ZNF14: variants seen among roughly 807,000 people sequenced by gnomAD.
ZNF14 encodes gonadotropin inducible transcription repressor-4.
A neutral mutation model predicts 11.3 loss-of-function variants in ZNF14; 9 were observed. That is an observed-to-expected ratio of 0.80 (90% confidence interval 0.48 to 1.39). ZNF14 has a LOEUF of 1.39. ZNF14 is among the 40% of genes most tolerant of loss of function. The probability of loss-of-function intolerance (pLI) is 0.00; values close to 1 mark genes in which losing one functional copy is unlikely to be tolerated. For synonymous variants in ZNF14, 239 were observed against 245.7 expected, an observed-to-expected ratio of 0.97 and a Z score of 0.25; for missense variants, 711 against 763.9, an observed-to-expected ratio of 0.93 and a Z score of 0.82.
At chr19:19,721,226 G>A (rs1305313119) in intron 1 of ZNF14, among the ~76,000 whole-genome samples, 1 of 152,128 alleles carries the variant, frequency 6.6e-6, no homozygotes, top group Admixed American at 6.5e-5. Flanking sequence ...AAAGTGCTAG[G>A]ATTACAGGCA....
Position 19,713,118 on chromosome 19 carries a change from T to C in ZNF14, c.192-29A>G, listed in dbSNP as rs1400693541. 5.2e-6 allele frequency: 8 copies of C among 1,524,466 alleles called. No individual in the cohort carries two copies. The Admixed American group carries it at 1.6e-4, about 31-fold the overall frequency. 94.4% of individuals were successfully genotyped at this position (1,524,466 alleles called of 1,614,324 possible). A position where few individuals can be genotyped will look rare whatever the true frequency, so the allele number is the denominator to read the frequency against. ...TAAAAAATGAATAGCACATTATTAG[T>C]GGCTTTTTAATTATTTTGTATTTAT... On this transcript the variant is annotated intron_variant, in intron 3 of 3. Coordinates refer to ENST00000344099, the MANE Select transcript of ZNF14 (RefSeq NM_021030.3).
intron 1 of ZNF14, among the ~76,000 whole-genome samples, chr19:19,722,810 G>T (rs181955462): frequency 6.6e-6 from 1 of 152,134 alleles, no homozygotes; most frequent in Non-Finnish European, 1.5e-5. Flanking sequence ...CACATCCCTT[G>T]TAAGTTGGAT....
chr19:19,732,663 C>A (rs1438969385), intron 1 of ZNF14, among the ~76,000 whole-genome samples: 3 of 152,374 alleles, frequency 2.0e-5, no homozygotes, highest in Non-Finnish European at 4.4e-5. Context: ...GGGATCTCCC[C>A]AGGACCCTCC....
intron 1 of ZNF14, among the ~76,000 whole-genome samples, chr19:19,722,411 C>T (rs371684961): frequency 6.6e-6 from 1 of 152,070 alleles, no homozygotes; most frequent in Non-Finnish European, 1.5e-5. Flanking sequence ...CTGAGTGCTC[C>T]GTTCTGTTCC....
chr19:19,720,883 G>A lies in ZNF14; in HGVS notation c.4-6396C>T, dbSNP rs569548806. On this transcript the variant is annotated intron_variant, in intron 1 of 3. Coordinates refer to ENST00000344099, the MANE Select transcript of ZNF14 (RefSeq NM_021030.3). This position sits in a 1 kb window ranked among gnomAD's most constrained non-coding sequence, Gnocchi z 4.1. ...AGACAAAGTGAGCACATCCCAAGAA[G>A]CTCTTAACCCGGCATGTTTTAATTT... Among the ~76,000 whole-genome samples the A allele has an allele frequency of 7.2e-5, 11 of 152,286 alleles. No individual in the cohort carries two copies. In the East Asian group the frequency reaches 2.1e-3, roughly 29 times the overall value.
At chr19:19,713,170 C>T (rs1231049688) in intron 3 of ZNF14, 81 bp from the exon 4 acceptor site, 55 of 1,339,756 alleles carry the variant, frequency 4.1e-5, no homozygotes, top group South Asian at 6.0e-5. Context: ...TACATTTTAA[C>T]CATTTTCAGA....
chr19:19,732,454 C>T (rs2062426742), intron 1 of ZNF14, among the ~76,000 whole-genome samples: 1 of 152,206 alleles, frequency 6.6e-6, no homozygotes, highest in Non-Finnish European at 1.5e-5. Flanking sequence ...CACCCCCAGA[C>T]TTGAGTGCTG....
chr19:19,724,576 G>T (rs1190919319), intron 1 of ZNF14, among the ~76,000 whole-genome samples: 1 of 133,616 alleles, frequency 7.5e-6, no homozygotes, highest in East Asian at 2.1e-4. Context: ...GGGGTGGAGA[G>T]TTCTGTAGAT....
At chr19:19,721,178 G>C (rs1171260830) in intron 1 of ZNF14, among the ~76,000 whole-genome samples, 1 of 151,898 alleles carries the variant, frequency 6.6e-6, no homozygotes, top group Non-Finnish European at 1.5e-5. Context: ...GGCTGGTCTT[G>C]AACTCCTGAC....
intron 1 of ZNF14, among the ~76,000 whole-genome samples, chr19:19,716,642 G>A (rs1024511342): frequency 6.6e-6 from 1 of 152,092 alleles, no homozygotes; most frequent in African/African-American, 2.4e-5. Flanking sequence ...AATGAAGTCA[G>A]AGACTTCCAA....
At position 19,712,616 on chromosome 19, in the gene ZNF14, G is replaced by A. The variant is rs371658425; in HGVS notation, c.665C>T (p.Pro222Leu). Residue 222 changes from proline to leucine, a missense_variant, in exon 4 of 4, where the codon CCC becomes CTC. Transcript: ENST00000344099. ...FQKHAHTGKK[P>L]YECKQCGKAF... ...TTTCCCACACTGTTTACATTCATAG[G>A]GTTTCTTTCCAGTATGAGCATGTTT... The A allele has an allele frequency of 8.2e-5, 132 of 1,613,698 alleles. No individual in the cohort carries two copies. The highest frequency in any genetic ancestry group is 1.0e-4 in the Non-Finnish European group (123 of 1,179,966).
At chr19:19,731,642 G>A (rs1290447512) in intron 1 of ZNF14, among the ~76,000 whole-genome samples, 1 of 152,102 alleles carries the variant, frequency 6.6e-6, no homozygotes, top group East Asian at 1.9e-4. Context: ...CCTTCCACTG[G>A]TTAATTGCTC....
At chr19:19,721,216 A>G (rs1037503514) in intron 1 of ZNF14, among the ~76,000 whole-genome samples, 2 of 152,146 alleles carry the variant, frequency 1.3e-5, no homozygotes, top group African/African-American at 2.4e-5. Flanking sequence ...TTGGCCTCCC[A>G]AAGTGCTAGG....
Position 19,726,862 on chromosome 19 carries a change from CGTGG to C in ZNF14, c.3+6090_3+6093del, listed in dbSNP as rs897208239. Among the ~76,000 whole-genome samples the C allele has an allele frequency of 3.8e-5, 5 of 132,870 alleles. 1 individual carries two copies. The highest frequency in any genetic ancestry group is 1.5e-4 in the Admixed American group (2 of 13,548). The allele number at this position is 132,870 out of a possible 152,430, so 87.2% of individuals were successfully genotyped here. A position where few individuals can be genotyped will look rare whatever the true frequency, so the allele number is the denominator to read the frequency against. ...GCTGTGCTAGCAGTGAAAGAGGCTC[CGTGG>C]GTGTGGGACCCTCCGAGCCAGGCAT... On this transcript the variant is annotated intron_variant, in intron 1 of 3. Coordinates refer to ENST00000344099, the MANE Select transcript of ZNF14 (RefSeq NM_021030.3).
chr19:19,711,958 G>T lies in ZNF14; in HGVS notation c.1323C>A (p.His441Gln). Residue 441 changes from histidine to glutamine, a missense_variant, in exon 4 of 4, where the codon CAC becomes CAA. Coordinates refer to ENST00000344099, the MANE Select transcript of ZNF14 (RefSeq NM_021030.3). ...TACATTCATAGGGTTTCTCTGCATT[G>T]TGAGTCCTTTCATGTCTTTGAAGGG... The part of the protein sequence containing the change: ...SSSLQRHERT[H>Q]NAEKPYECKQ... 6.2e-7 allele frequency: 1 copy of T among 1,613,850 alleles called. No homozygotes were observed. Among genetic ancestry groups the T allele is most frequent in the Non-Finnish European group, 8.5e-7 (1 of 1,179,954 alleles).
chr19:19,723,019 G>A (rs956644739), intron 1 of ZNF14, among the ~76,000 whole-genome samples: 4 of 152,102 alleles, frequency 2.6e-5, no homozygotes, highest in African/African-American at 9.7e-5. Flanking sequence ...CATAAAATCT[G>A]CAAACAGGGA....
chr19:19,719,980 T>C (rs1720790476), intron 1 of ZNF14, among the ~76,000 whole-genome samples: 1 of 152,180 alleles, frequency 6.6e-6, no homozygotes, highest in South Asian at 2.1e-4. Context: ...GAAATCTCAG[T>C]GACACAGGGG....
rs1316742441 is a variant in ZNF14, at chr19:19,712,476, G to A, written c.805C>T (p.His269Tyr). The A allele has an allele frequency of 1.9e-6, 3 of 1,559,226 alleles. No individual in the cohort carries two copies. In the African/African-American group the frequency reaches 4.0e-5, roughly 21 times the overall value. Residue 269 changes from histidine to tyrosine, a missense_variant, in exon 4 of 4, where the codon CAT becomes TAT. Transcript: ENST00000344099. Reference sequence around the variant, plus strand: ...TTTTCTCCAGTGTGAGTTCTTTCATGAGTTCGAAAGTATGTGGGACAACTG... The same window carrying A: ...TTTTCTCCAGTGTGAGTTCTTTCATAAGTTCGAAAGTATGTGGGACAACTG... The part of the protein sequence containing the change: ...AFSCPTYFRT[H>Y]ERTHTGEKPY...
At position 19,727,908 on chromosome 19, in the gene ZNF14, C is replaced by A. The variant is rs1405094078; in HGVS notation, c.3+5048G>T. On this transcript the variant is annotated intron_variant, in intron 1 of 3. Transcript: ENST00000344099. ...CCAGAAACAGACATGCCAATCCAAA[C>A]AGATCATTACCCAGCCTGGCCATCA... Among the ~76,000 whole-genome samples the A allele has an allele frequency of 3.7e-5, 5 of 133,456 alleles. 1 individual carries two copies. Among genetic ancestry groups the A allele is most frequent in the Non-Finnish European group, 8.3e-5 (5 of 60,002 alleles). 87.6% of individuals were successfully genotyped at this position (133,456 alleles called of 152,430 possible).
Sources: gnomAD v4.1 joint callset for allele counts (sites outside exome capture counted in the v4.1 genomes callset) on GRCh38, gnomAD v4.1.1 for gene constraint, Gnocchi (gnomAD v3.1) non-coding constraint, MANE v1.5 for transcripts, NCBI Gene and HGNC (gene_info 2026-07-23, HGNC 2026-07-21) for gene names.